VAMP7: variants seen among roughly 807,000 people sequenced by gnomAD.
VAMP7 encodes the protein vesicle associated membrane protein 7.
VAMP7 carries 14 observed loss-of-function variants against 29.6 expected under a neutral mutation model. The observed-to-expected ratio is 0.47, with a 90% CI of 0.31 to 0.74. The LOEUF (loss-of-function observed/expected upper bound fraction) is 0.74, where lower values mean the gene tolerates loss of function less well. Among genes scored for constraint, VAMP7 ranks in the 30% least tolerant of loss-of-function variants. The pLI is 0.05. For missense variants in VAMP7, 223 were observed against 262.4 expected (o/e 0.85, Z 1.04); for synonymous variants, 95 against 88.1 (o/e 1.08, Z -0.44).
chrX:155,931,930 A>G (rs1291112821), intron 6 of VAMP7, among the ~76,000 whole-genome samples: 4 of 152,202 alleles, frequency 2.6e-5, no homozygotes, highest in Non-Finnish European at 5.9e-5. Context: ...CCATATGGCT[A>G]GCCAGTTTTC....
intron 2 of VAMP7, among the ~76,000 whole-genome samples, chrX:155,893,157 A>G (rs1198812194): frequency 6.6e-6 from 1 of 152,166 alleles, no homozygotes; most frequent in African/African-American, 2.4e-5. Flanking sequence ...CTGTGCACCA[A>G]GTGACTTACA....
intron 5 of VAMP7, among the ~76,000 whole-genome samples, chrX:155,915,074 T>C (rs2066291580): frequency 6.6e-6 from 1 of 152,200 alleles, no homozygotes; most frequent in Non-Finnish European, 1.5e-5. Flanking sequence ...TTTGACTTCT[T>C]CCTGGTTCAG....
chrX:155,931,715 G>C (rs2066559776), intron 6 of VAMP7, among the ~76,000 whole-genome samples: 2 of 151,986 alleles, frequency 1.3e-5, no homozygotes, highest in South Asian at 4.2e-4. Flanking sequence ...TCCTTAATTA[G>C]ATCCCATTTG....
chrX:155,936,083 G>GA (rs2066649521), intron 6 of VAMP7, among the ~76,000 whole-genome samples: 2 of 38 alleles, frequency 0.053, no homozygotes, highest in Non-Finnish European at 0.091. Context: ...AGGGGTACCC[G>GA]CCGTGTGAGG....
At chrX:155,887,448 G>C (rs1476747510) in intron 1 of VAMP7, among the ~76,000 whole-genome samples, 1 of 152,100 alleles carries the variant, frequency 6.6e-6, no homozygotes, top group Non-Finnish European at 1.5e-5. Context: ...CAGCAGTGTT[G>C]ACTGTGCCTA....
chrX:155,892,051 C>T lies in VAMP7; in HGVS notation c.146+2439C>T, dbSNP rs111986090. On this transcript the variant is annotated intron_variant, in intron 2 of 7. Transcript: ENST00000286448. ...TATCTTCCACTCATGTATTATGAGCCAGAATTTAGTCACAGCCATATGTAG... is the reference window on the plus strand; with the variant it reads ...TATCTTCCACTCATGTATTATGAGCTAGAATTTAGTCACAGCCATATGTAG... Among the ~76,000 whole-genome samples, 475 of 152,188 alleles carry T rather than the reference C, an allele frequency of 3.1e-3. 4 individuals are homozygous for T. The highest frequency in any genetic ancestry group is 6.8e-3 in the Middle Eastern group (2 of 294).
At chrX:155,909,546 T>C (rs1031130243) in intron 5 of VAMP7, among the ~76,000 whole-genome samples, 3 of 152,192 alleles carry the variant, frequency 2.0e-5, no homozygotes, top group African/African-American at 4.8e-5. Flanking sequence ...CTTTTCTAGA[T>C]CCATAAGGTA....
chrX:155,921,256 A>G (rs928318457), intron 6 of VAMP7, among the ~76,000 whole-genome samples: 3 of 152,322 alleles, frequency 2.0e-5, no homozygotes, highest in Non-Finnish European at 4.4e-5. Flanking sequence ...GTAGAATAAC[A>G]TACGTGCAGC....
chrX:155,918,530 G>T (rs1424598965), intron 5 of VAMP7, among the ~76,000 whole-genome samples: 1 of 152,106 alleles, frequency 6.6e-6, no homozygotes. Flanking sequence ...CTCACGGCAC[G>T]GTCCCTCAAG....
At chrX:155,896,161 A>G (rs2065984936) in intron 3 of VAMP7, among the ~76,000 whole-genome samples, 1 of 152,226 alleles carries the variant, frequency 6.6e-6, no homozygotes. Context: ...CATTTGTCAT[A>G]TAGAGCAGCA....
intron 6 of VAMP7, among the ~76,000 whole-genome samples, chrX:155,934,024 T>G (rs1428491072): frequency 6.6e-6 from 1 of 152,218 alleles, no homozygotes; most frequent in African/African-American, 2.4e-5. Flanking sequence ...GTGAGTTTCT[T>G]AATCTTGAGT....
At chrX:155,924,980 G>T (rs759165273) in intron 6 of VAMP7, among the ~76,000 whole-genome samples, 1 of 152,278 alleles carries the variant, frequency 6.6e-6, no homozygotes, top group East Asian at 1.9e-4. Flanking sequence ...GCCATCTCAA[G>T]AAACCACTTT....
intron 5 of VAMP7, among the ~76,000 whole-genome samples, chrX:155,913,129 T>C (rs2066261418): frequency 6.6e-6 from 1 of 152,206 alleles, no homozygotes; most frequent in South Asian, 2.1e-4. Context: ...TGACCCGTGA[T>C]GATGAGCTTT....
chrX:155,882,410 C>T (rs747079439), intron 1 of VAMP7, among the ~76,000 whole-genome samples: 13 of 152,234 alleles, frequency 8.5e-5, no homozygotes, highest in African/African-American at 3.1e-4. Context: ...GGATGGGATC[C>T]TATCCTAAGA....
intron 3 of VAMP7, 136 bp from the exon 4 acceptor site, chrX:155,897,976 A>G (rs1209915802): frequency 2.5e-5 from 28 of 1,120,996 alleles, no homozygotes; most frequent in Non-Finnish European, 3.5e-5. Context: ...CTTATCTTTA[A>G]GATAGGATCA....
chrX:155,901,380 A>G (rs2066059906), intron 5 of VAMP7, among the ~76,000 whole-genome samples: 1 of 151,896 alleles, frequency 6.6e-6, no homozygotes, highest in South Asian at 2.1e-4. Context: ...CACCAAATGT[A>G]TTTATTTTGC....
At chrX:155,936,980 AAAGATACC>A (rs2066669252) in intron 6 of VAMP7, among the ~76,000 whole-genome samples, 1 of 152,208 alleles carries the variant, frequency 6.6e-6, no homozygotes, top group Non-Finnish European at 1.5e-5. Flanking sequence ...AAATCAATGG[AAAGATACC>A]TTATGTTTAT....
chrX:155,931,699 A>C (rs1313533547), intron 6 of VAMP7, among the ~76,000 whole-genome samples: 6 of 152,070 alleles, frequency 3.9e-5, no homozygotes, highest in Non-Finnish European at 7.4e-5. Flanking sequence ...TTTGCTGTGC[A>C]GAAGCTCCTT....
chrX:155,941,885 G>A lies in VAMP7; in HGVS notation c.597G>A (p.Val199=), dbSNP rs770806845. The change falls in exon 8 of 8, where the codon GTG becomes GTA. Residue 199 remains valine (V), a splice_region_variant and synonymous_variant. Coordinates refer to ENST00000286448, the MANE Select transcript of VAMP7 (RefSeq NM_005638.6). ...LTIIIIIVSI[V]FIYIIVSPLC... ...AATTGCTCTCCTCGTCCCTCCAGGT[G>A]TTCATCTATATCATTGTTTCACCTC... 3 of 1,613,606 alleles carry A rather than the reference G, an allele frequency of 1.9e-6. No homozygotes were observed. The Admixed American group carries it at 5.0e-5, about 27-fold the overall frequency.
Sources: gnomAD v4.1 joint callset for allele counts (sites outside exome capture counted in the v4.1 genomes callset) on GRCh38, gnomAD v4.1.1 for gene constraint, MANE v1.5 for transcripts, NCBI Gene and HGNC (gene_info 2026-07-23, HGNC 2026-07-21) for gene names.